The following THSD7A variants were observed in gnomAD, a reference collection of about 807,000 sequenced individuals.
THSD7A encodes thrombospondin type 1 domain containing 7A.
A neutral mutation model predicts 231.3 loss-of-function variants in THSD7A; 96 were observed. That is an observed-to-expected ratio of 0.41 (90% CI 0.35 to 0.49). The LOEUF is 0.49. THSD7A is among the 20% of genes least tolerant of loss of function. The probability of loss-of-function intolerance (pLI) is 0.05; values close to 1 mark genes in which losing one functional copy is unlikely to be tolerated. For synonymous variants in THSD7A, 940 were observed against 743.3 expected (o/e 1.26, Z -4.30); for missense variants, 2,290 against 2,070.2 (o/e 1.11, Z -2.06).
chr7:11,720,646 G>C (rs1048455724), intron 1 of THSD7A, among the ~76,000 whole-genome samples: 1 of 151,498 alleles, frequency 6.6e-6, no homozygotes, highest in East Asian at 2.0e-4. Flanking sequence ...TATCTATAAG[G>C]AACCTACCAT....
At chr7:11,431,632 T>C (rs1380411225) in intron 13 of THSD7A, among the ~76,000 whole-genome samples, 3 of 152,166 alleles carry the variant, frequency 2.0e-5, no homozygotes, top group Admixed American at 6.6e-5. Context: ...AGTGTGAGTC[T>C]TCCTATTTCG....
At chr7:11,449,829 A>C (rs753950605) in intron 11 of THSD7A, among the ~76,000 whole-genome samples, 1 of 152,040 alleles carries the variant, frequency 6.6e-6, no homozygotes, top group Non-Finnish European at 1.5e-5. Flanking sequence ...ATGCTAAAAA[A>C]ATTGATAAAG....
At chr7:11,712,339 C>T (rs543815561) in intron 1 of THSD7A, among the ~76,000 whole-genome samples, 7 of 150,996 alleles carry the variant, frequency 4.6e-5, no homozygotes, top group African/African-American at 1.7e-4. Flanking sequence ...TGAGTTTAGG[C>T]TTGAAGGAAT....
At chr7:11,754,631 A>T (rs574844705) in intron 1 of THSD7A, among the ~76,000 whole-genome samples, 1 of 152,002 alleles carries the variant, frequency 6.6e-6, no homozygotes, top group South Asian at 2.1e-4. Context: ...CAGTTTTTCT[A>T]TTTAAACAAA....
chr7:11,516,644 A>G (rs1483587430), intron 6 of THSD7A, among the ~76,000 whole-genome samples: 1 of 152,236 alleles, frequency 6.6e-6, no homozygotes, highest in Non-Finnish European at 1.5e-5. Context: ...CTTTCTCTTT[A>G]AGAAAAAATT....
At chr7:11,663,684 T>A (rs1384746764) in intron 1 of THSD7A, among the ~76,000 whole-genome samples, 1 of 151,610 alleles carries the variant, frequency 6.6e-6, no homozygotes, top group Non-Finnish European at 1.5e-5. Context: ...ATCAAAAGGA[T>A]AAAATATCAC....
At chr7:11,661,081 T>C (rs907049254) in intron 1 of THSD7A, among the ~76,000 whole-genome samples, 2 of 151,348 alleles carry the variant, frequency 1.3e-5, no homozygotes, top group South Asian at 2.1e-4. Context: ...AAAGGAAATA[T>C]GATGTAATTG....
At chr7:11,722,172 T>C (rs77123984) in intron 1 of THSD7A, among the ~76,000 whole-genome samples, 20,983 of 151,870 alleles carry the variant, frequency 0.14, 1,897 homozygotes, top group South Asian at 0.21. Context: ...GAATTTAGTT[T>C]ATAGGTTAAC....
intron 1 of THSD7A, among the ~76,000 whole-genome samples, chr7:11,709,879 G>A (rs1259425705): frequency 6.6e-6 from 1 of 150,760 alleles, no homozygotes; most frequent in Non-Finnish European, 1.5e-5. Context: ...AAGTAATCTG[G>A]CTTCCAAATG....
Position 11,831,925 on chromosome 7 carries a change from A to G in THSD7A, c.22T>C (p.Trp8Arg), listed in dbSNP as rs1785210593. The G allele has an allele frequency of 4.9e-6, 6 of 1,230,904 alleles. No homozygotes were observed. The South Asian group carries it at 2.4e-4, about 50-fold the overall frequency. 76.2% of individuals were successfully genotyped at this position (1,230,904 alleles called of 1,614,324 possible). A position where few individuals can be genotyped will look rare whatever the true frequency, so the allele number is the denominator to read the frequency against. ...GCAGCGCCCCGGCTCCCGGACGCCC[A>G]GCGCCTGGCTTGCAGCCCCATGCCG... MGLQARR[W>R]ASGSRGAAGP... The change falls in exon 1 of 28, where the codon TGG becomes CGG. Residue 8 changes from tryptophan (W) to arginine (R), a missense_variant. By Grantham distance (101) the Trp-to-Arg change is moderately radical (BLOSUM62 -3). Coordinates refer to ENST00000423059, the MANE Select transcript of THSD7A (RefSeq NM_015204.3). The surrounding 1 kb of genome is among the most constrained non-coding windows in gnomAD (Gnocchi z 5.0).
At position 11,511,929 on chromosome 7, in the gene THSD7A, C is replaced by G. The variant is rs544597046; in HGVS notation, c.1822+29490G>C. Among the ~76,000 whole-genome samples the G allele has an allele frequency of 2.7e-3, 414 of 152,270 alleles. 1 individual carries two copies. The highest frequency in any genetic ancestry group is 9.3e-3 in the African/African-American group (386 of 41,546). ...CAATGGCAACAAAAGCCAAAATTGA[C>G]AAATGGGATCTAATTAAACTAAAGA... On this transcript the variant is annotated intron_variant, in intron 6 of 27. Transcript: ENST00000423059.
Position 11,460,765 on chromosome 7 carries a change from C to T in THSD7A, c.2502G>A (p.Arg834=). ...CEAPQACQSY[R]WKTHKWRRCQ... is the part of the protein sequence containing the mutation. ...ATCTGCGCCATTTGTGAGTCTTCCA[C>T]CTACAAGACAGGAACAGAAGCCCAG... The change falls in exon 11 of 28, where the codon AGG becomes AGA. Residue 834 remains arginine (R), a splice_region_variant and synonymous_variant. Transcript: ENST00000423059. The T allele has an allele frequency of 1.2e-6, 2 of 1,610,578 alleles. No individual in the cohort carries two copies. The highest frequency in any genetic ancestry group is 1.7e-6 in the Non-Finnish European group (2 of 1,178,440).
At chr7:11,663,456 C>A (rs1562454944) in intron 1 of THSD7A, among the ~76,000 whole-genome samples, 1 of 151,296 alleles carries the variant, frequency 6.6e-6, no homozygotes, top group African/African-American at 2.4e-5. Flanking sequence ...AAAACAAAAA[C>A]AAAAACAAAA....
intron 13 of THSD7A, among the ~76,000 whole-genome samples, chr7:11,440,518 A>G (rs1784770564): frequency 6.6e-6 from 1 of 152,088 alleles, no homozygotes; most frequent in Admixed American, 6.6e-5. Flanking sequence ...AAGAACATTC[A>G]TGATTCATGG....
chr7:11,591,207 A>G (rs1780152024), intron 3 of THSD7A, among the ~76,000 whole-genome samples: 1 of 147,612 alleles, frequency 6.8e-6, no homozygotes, highest in Admixed American at 6.9e-5. Context: ...GTGCGGATGC[A>G]TGATGCAAAG....
At chr7:11,715,644 A>T (rs1222027953) in intron 1 of THSD7A, among the ~76,000 whole-genome samples, 3 of 151,460 alleles carry the variant, frequency 2.0e-5, no homozygotes, top group Non-Finnish European at 4.4e-5. Flanking sequence ...TTTTGCTTAA[A>T]AAATGTCTAA....
At chr7:11,813,239 T>G (rs998878981) in intron 1 of THSD7A, among the ~76,000 whole-genome samples, 9 of 152,200 alleles carry the variant, frequency 5.9e-5, no homozygotes, top group Non-Finnish European at 1.3e-4. Context: ...CTAAGTGTGT[T>G]CATGATTATT....
chr7:11,636,192 C>G lies in THSD7A; in HGVS notation c.960G>C (p.Gln320His), dbSNP rs749676931. The G allele has an allele frequency of 1.2e-6, 2 of 1,613,892 alleles. No homozygotes were observed. The highest frequency in any genetic ancestry group is 1.7e-6 in the Non-Finnish European group (2 of 1,179,890). ...NRQENKYWDI[Q>H]IGYQTREVMC... is the part of the protein sequence containing the mutation. ...TAACCTCTCTGGTCTGATATCCAAT[C>G]TGGATGTCCCAATATTTGTTCTCTT... The change falls in exon 2 of 28, where the codon CAG becomes CAC. Residue 320 changes from glutamine (Q) to histidine (H), a missense_variant. Physicochemically the swap from Gln to His is conservative, Grantham distance 24. Coordinates refer to ENST00000423059, the MANE Select transcript of THSD7A (RefSeq NM_015204.3). This position sits in a 1 kb window ranked among gnomAD's most constrained non-coding sequence, Gnocchi z 10.0.
At chr7:11,654,041 T>A in intron 1 of THSD7A, among the ~76,000 whole-genome samples, 1 of 151,920 alleles carries the variant, frequency 6.6e-6, no homozygotes. Flanking sequence ...ACAATCCAAG[T>A]ATTCTGTGTA....
Sources: allele counts gnomAD v4.1 joint callset (sites outside exome capture counted in the v4.1 genomes callset), GRCh38; gene constraint gnomAD v4.1.1; non-coding constraint Gnocchi (gnomAD v3.1); transcripts MANE v1.5; gene names NCBI Gene and HGNC (gene_info 2026-07-23, HGNC 2026-07-21).